The following RUSC2 variants were observed in gnomAD, a reference collection of about 807,000 sequenced individuals.
RUSC2 encodes RUN and SH3 domain containing 2.
Under a neutral mutation model 122.2 loss-of-function variants are expected in RUSC2, and 34 were observed. The observed-to-expected ratio is 0.28, with a 90% confidence interval of 0.21 to 0.37. The LOEUF (loss-of-function observed/expected upper bound fraction) is 0.37. RUSC2 is among the 10% of genes least tolerant of loss of function. The pLI is 1.00. For synonymous variants in RUSC2, 784 were observed against 790.0 expected (o/e 0.99, Z 0.13); for missense variants, 1,747 against 1,952.4 (o/e 0.89, Z 1.98).
At chr9:35,497,667 C>T (rs1455612216) in intron 1 of RUSC2, among the ~76,000 whole-genome samples, 1 of 151,994 alleles carries the variant, frequency 6.6e-6, no homozygotes, top group Non-Finnish European at 1.5e-5. Flanking sequence ...ACATTAAAGA[C>T]ATTGATATTA....
intron 1 of RUSC2, among the ~76,000 whole-genome samples, chr9:35,509,122 G>T (rs533965889): frequency 9.2e-5 from 14 of 152,240 alleles, no homozygotes; most frequent in Admixed American, 2.0e-4. Flanking sequence ...GGCTAAGGCC[G>T]GATCACTTGA....
At chr9:35,508,393 C>T (rs1054421468) in intron 1 of RUSC2, among the ~76,000 whole-genome samples, 1 of 152,212 alleles carries the variant, frequency 6.6e-6, no homozygotes, top group Non-Finnish European at 1.5e-5. Context: ...GTGAACATAT[C>T]TCAGTGTAAT....
At chr9:35,527,654 A>G (rs955425600) in intron 1 of RUSC2, among the ~76,000 whole-genome samples, 1 of 152,196 alleles carries the variant, frequency 6.6e-6, no homozygotes, top group African/African-American at 2.4e-5. Context: ...AGTTCTTGCA[A>G]TCTAAATACA....
rs1202086509 is a variant in RUSC2, at chr9:35,533,467, A to C, written c.-92-12963A>C. ...AACTGCCACTGTTTTTAACAGCTTTATTGAAATATAATTGACATACCATAC... is the reference window on the plus strand; with the variant it reads ...AACTGCCACTGTTTTTAACAGCTTTCTTGAAATATAATTGACATACCATAC... On this transcript the variant is annotated intron_variant, in intron 1 of 11. Transcript: ENST00000361226. Among the ~76,000 whole-genome samples the C allele has an allele frequency of 3.3e-5, 5 of 152,192 alleles. 1 individual carries two copies. Among genetic ancestry groups the C allele is most frequent in the African/African-American group, 1.2e-4 (5 of 41,456 alleles).
At chr9:35,501,785 T>C (rs892313173) in intron 1 of RUSC2, among the ~76,000 whole-genome samples, 1 of 152,206 alleles carries the variant, frequency 6.6e-6, no homozygotes, top group African/African-American at 2.4e-5. Flanking sequence ...TCCTTAGCCT[T>C]AATTAATTTA....
chr9:35,508,894 G>A (rs1045789843), intron 1 of RUSC2, among the ~76,000 whole-genome samples: 1 of 152,166 alleles, frequency 6.6e-6, no homozygotes, highest in African/African-American at 2.4e-5. Context: ...TGAAGAATAT[G>A]AGTCTACAAA....
chr9:35,559,527 G>A (rs1458456994), intron 9 of RUSC2, among the ~76,000 whole-genome samples: 4 of 152,180 alleles, frequency 2.6e-5, no homozygotes, highest in Admixed American at 6.5e-5. Flanking sequence ...CTGAGGTCAA[G>A]AGTTTGAGAC....
intron 1 of RUSC2, among the ~76,000 whole-genome samples, chr9:35,533,200 T>TC (rs1302465295): frequency 1.3e-5 from 2 of 150,076 alleles, no homozygotes; most frequent in African/African-American, 2.5e-5. Flanking sequence ...TGAGCCGAGA[T>TC]CGTGCCACTG....
chr9:35,516,022 A>AAAAAAGAG (rs1554724501), intron 1 of RUSC2, among the ~76,000 whole-genome samples: 1 of 127,116 alleles, frequency 7.9e-6, no homozygotes, highest in Non-Finnish European at 1.6e-5. Flanking sequence ...AAAAAAAAAA[A>AAAAAAGAG]AGAGAAATGC....
chr9:35,537,814 G>A (rs1821560231), intron 1 of RUSC2, among the ~76,000 whole-genome samples: 1 of 152,196 alleles, frequency 6.6e-6, no homozygotes, highest in Admixed American at 6.5e-5. Flanking sequence ...CTAGTGTTTG[G>A]GGACCAAGCC....
rs1399819326 is a variant in RUSC2 at position 35,547,327 on chromosome 9, T to C, written c.806T>C (p.Val269Ala). ...GCAGCTGACCAGTCCATGGGCTATG[T>C]GAGCGACTCCTCCTGCAACAGTTCA... ...SEAADQSMGY[V>A]SDSSCNSSDG... The change falls in exon 2 of 12, where the codon GTG becomes GCG. Residue 269 changes from valine (V) to alanine (A), a missense_variant. Coordinates refer to ENST00000361226, the MANE Select transcript of RUSC2 (RefSeq NM_014806.5). This position sits in a 1 kb window ranked among gnomAD's most constrained non-coding sequence, Gnocchi z 4.6. 14 of 1,614,174 alleles carry C rather than the reference T, an allele frequency of 8.7e-6. No homozygotes were observed. Among genetic ancestry groups the C allele is most frequent in the Non-Finnish European group, 1.1e-5 (13 of 1,180,026 alleles).
chr9:35,532,901 C>T (rs1295549687), intron 1 of RUSC2, among the ~76,000 whole-genome samples: 6 of 152,062 alleles, frequency 3.9e-5, no homozygotes, highest in Non-Finnish European at 1.5e-5. Flanking sequence ...GGTTAAGAAA[C>T]AATGAAGGAG....
chr9:35,560,725 G>C lies in RUSC2; in HGVS notation c.4085G>C (p.Arg1362Thr). 2 of 1,547,506 alleles carry C rather than the reference G, an allele frequency of 1.3e-6. No individual in the cohort carries two copies. The highest frequency in any genetic ancestry group is 1.7e-6 in the Non-Finnish European group (2 of 1,147,386). ...VLAELRRSREREGPAASPAEN... is the reference protein window; with the variant it reads ...VLAELRRSRETEGPAASPAEN... The stretch of plus-strand genomic sequence containing the variant: ...GCCGAGCTGAGGCGCAGTCGGGAGA[G>C]GGAAGGGCCCGCTGCCTCGCCAGCA... The change falls in exon 10 of 12, where the codon AGG becomes ACG. Residue 1362 changes from arginine (R) to threonine (T), a missense_variant. Transcript: ENST00000361226.
At chr9:35,529,345 A>C (rs926733632) in intron 1 of RUSC2, among the ~76,000 whole-genome samples, 3 of 151,782 alleles carry the variant, frequency 2.0e-5, no homozygotes, top group Non-Finnish European at 2.9e-5. Flanking sequence ...CATCTAATGA[A>C]GGGAACCACT....
At chr9:35,543,848 G>C (rs1444407983) in intron 1 of RUSC2, among the ~76,000 whole-genome samples, 3 of 152,162 alleles carry the variant, frequency 2.0e-5, no homozygotes, top group African/African-American at 7.2e-5. Flanking sequence ...CATCACAAAA[G>C]CCCTTTGTGA....
chr9:35,515,999 C>CA (rs544797957), intron 1 of RUSC2, among the ~76,000 whole-genome samples: 539 of 47,030 alleles, frequency 0.011, 15 homozygotes, highest in Admixed American at 0.038. Flanking sequence ...ATTCTTGTCT[C>CA]AAAAAAAAAA....
intron 1 of RUSC2, among the ~76,000 whole-genome samples, chr9:35,505,880 A>G (rs1820906792): frequency 6.6e-6 from 1 of 152,200 alleles, no homozygotes; most frequent in African/African-American, 2.4e-5. Flanking sequence ...CCCACAGCTA[A>G]CATCATTCTT....
intron 1 of RUSC2, among the ~76,000 whole-genome samples, chr9:35,540,813 T>C (rs1321899106): frequency 6.6e-6 from 1 of 152,178 alleles, no homozygotes; most frequent in African/African-American, 2.4e-5. Flanking sequence ...AATCATTTTC[T>C]TTGGAAGGCC....
At chr9:35,511,898 C>T (rs1394655434) in intron 1 of RUSC2, among the ~76,000 whole-genome samples, 3 of 152,080 alleles carry the variant, frequency 2.0e-5, no homozygotes, top group East Asian at 1.9e-4. Context: ...AGGAAAATCT[C>T]GGCCGGGCGC....
Sources: allele counts gnomAD v4.1 joint callset (sites outside exome capture counted in the v4.1 genomes callset), GRCh38; gene constraint gnomAD v4.1.1; non-coding constraint Gnocchi (gnomAD v3.1); transcripts MANE v1.5; gene names NCBI Gene and HGNC (gene_info 2026-07-23, HGNC 2026-07-21).